Variants in PGM2L1 observed in about 807,000 individuals in gnomAD.
PGM2L1 encodes phosphoglucomutase 2 like 1.
In PGM2L1, 35 loss-of-function variants were observed where a neutral mutation model predicts 73.4. That is an observed-to-expected ratio of 0.48 (90% CI 0.36 to 0.63). The LOEUF (loss-of-function observed/expected upper bound fraction) is 0.63. Among genes scored for constraint, PGM2L1 ranks in the 30% least tolerant of loss-of-function variants. The probability of loss-of-function intolerance (pLI) is 0.00; values close to 1 mark genes in which losing one functional copy is unlikely to be tolerated. For missense variants in PGM2L1, 570 were observed against 742.0 expected (o/e 0.77, Z 2.69); for synonymous variants, 225 against 253.8 (o/e 0.89, Z 1.08).
rs1220332965 is a variant in PGM2L1 at position 74,335,207 on chromosome 11, A to AG, written c.*1444dup. 1 of 151,388 alleles carries AG rather than the reference A, an allele frequency of 6.6e-6. No homozygotes were observed. The highest frequency in any genetic ancestry group is 2.4e-5 in the African/African-American group (1 of 41,100). 9.4% of individuals were successfully genotyped at this position (151,388 alleles called of 1,614,324 possible). On this transcript the variant is annotated 3_prime_UTR_variant, in exon 14 of 14. Transcript: ENST00000298198. ...CGTGATTTCGGCTCACTGCAATCTC[A>AG]GCCTCCTAGGTTCAAGCAATTCTCC...
chr11:74,381,306 C>T (rs1174207100), intron 1 of PGM2L1, among the ~76,000 whole-genome samples: 1 of 152,096 alleles, frequency 6.6e-6, no homozygotes, highest in African/African-American at 2.4e-5. Context: ...GAGATGTGCA[C>T]CACTTCCATG....
chr11:74,355,283 GT>G, intron 5 of PGM2L1: 1 of 951,990 alleles, frequency 1.1e-6, no homozygotes, highest in South Asian at 1.3e-5. Flanking sequence ...GCCAGGCGTG[GT>G]GGCTCACACC....
chr11:74,335,599 T>C lies in PGM2L1; in HGVS notation c.*1053A>G, dbSNP rs1370047351. The C allele has an allele frequency of 6.6e-6, 1 of 152,226 alleles. No homozygotes were observed. The highest frequency in any genetic ancestry group is 6.5e-5 in the Admixed American group (1 of 15,288). The allele number at this position is 152,226 out of a possible 1,614,324, so 9.4% of individuals were successfully genotyped here. On this transcript the variant is annotated 3_prime_UTR_variant, in exon 14 of 14. Transcript: ENST00000298198. ...TTTGGATGTTTTATTCTTAGTAAAA[T>C]TAACATTACTTCATAAAATAAAAGA...
chr11:74,392,430 C>A (rs1418933514), intron 1 of PGM2L1, among the ~76,000 whole-genome samples: 1 of 151,686 alleles, frequency 6.6e-6, no homozygotes, highest in African/African-American at 2.4e-5. Flanking sequence ...AAGGAGAATA[C>A]TGTGTTGCCA....
intron 1 of PGM2L1, among the ~76,000 whole-genome samples, chr11:74,379,350 C>G (rs1209142479): frequency 6.6e-6 from 1 of 152,114 alleles, no homozygotes; most frequent in African/African-American, 2.4e-5. Flanking sequence ...ACCTCCATGA[C>G]CCAAACGCCT....
intron 6 of PGM2L1, 25 bp downstream of exon 6, chr11:74,351,358 T>G (rs747569908): frequency 8.9e-6 from 14 of 1,576,636 alleles, no homozygotes; most frequent in African/African-American, 1.4e-5. Context: ...TGAAGTAGTA[T>G]TATCTGATAT....
At chr11:74,343,552 G>C (rs1862216259) in intron 9 of PGM2L1, 136 bp from the exon 10 acceptor site, 1 of 1,293,744 alleles carries the variant, frequency 7.7e-7, no homozygotes. Flanking sequence ...GATTTATACA[G>C]TAGCAGACAT....
At position 74,398,235 on chromosome 11, in the gene PGM2L1, C is replaced by T. The variant is rs542904884; in HGVS notation, c.-74G>A. On this transcript the variant is annotated 5_prime_UTR_variant, in exon 1 of 14. Coordinates refer to ENST00000298198, the MANE Select transcript of PGM2L1 (RefSeq NM_173582.6). ...GGGGTGGGGGGTGGCTTGGGGTTCG[C>T]TCACCAGGGTCCAGGCGTCCCCACC... 8.5e-6 allele frequency: 13 copies of T among 1,530,704 alleles called. No homozygotes were observed. The African/African-American group carries it at 9.5e-5, about 11-fold the overall frequency. 94.8% of individuals were successfully genotyped at this position (1,530,704 alleles called of 1,614,324 possible).
intron 9 of PGM2L1, among the ~76,000 whole-genome samples, 160 bp downstream of exon 9, chr11:74,345,308 AG>A (rs200246444): frequency 0.015 from 2,330 of 152,294 alleles, 27 homozygotes; most frequent in Non-Finnish European, 0.024. Flanking sequence ...TTTTGGCTCA[AG>A]GTGTCTAAAT....
intron 9 of PGM2L1, among the ~76,000 whole-genome samples, chr11:74,343,769 C>CT (rs56938172): frequency 0.09 from 7,155 of 79,154 alleles, 2,073 homozygotes; most frequent in African/African-American, 0.34. Flanking sequence ...TTTACATTAT[C>CT]TTTTTTTTTT....
At chr11:74,377,180 G>A (rs1010837562) in intron 1 of PGM2L1, among the ~76,000 whole-genome samples, 2 of 151,018 alleles carry the variant, frequency 1.3e-5, no homozygotes, top group Admixed American at 6.6e-5. Flanking sequence ...TGTCACCCAG[G>A]CTGGAGAGCA....
chr11:74,330,928 T>A lies in PGM2L1; in HGVS notation c.*5724A>T, dbSNP rs1007690017. 3.7e-4 allele frequency: 57 copies of A among 152,192 alleles called. No individual in the cohort carries two copies. Among genetic ancestry groups the A allele is most frequent in the African/African-American group, 1.3e-3 (55 of 41,442 alleles). The allele number at this position is 152,192 out of a possible 1,614,324, so 9.4% of individuals were successfully genotyped here. ...GATGTCTGCTTAATAAACATTACAT[T>A]ATAAAGTTCAGTGATGGGACTTCAT... On this transcript the variant is annotated 3_prime_UTR_variant, in exon 14 of 14. Transcript: ENST00000298198.
At chr11:74,343,241 AGAACAC>A in intron 10 of PGM2L1, 76 bp downstream of exon 10, 1 of 1,463,170 alleles carries the variant, frequency 6.8e-7, no homozygotes, top group Non-Finnish European at 9.0e-7. Flanking sequence ...ATATGAAACC[AGAACAC>A]AAAAAACTCC....
chr11:74,342,542 TG>T lies in PGM2L1; in HGVS notation c.1550del (p.Pro517GlnfsTer32). 1 of 1,610,378 alleles carries T rather than the reference TG, an allele frequency of 6.2e-7. No individual in the cohort carries two copies. The highest frequency in any genetic ancestry group is 8.5e-7 in the Non-Finnish European group (1 of 1,177,892). On this transcript the variant is annotated frameshift_variant, in exon 12 of 14. Transcript: ENST00000298198. LOFTEE classifies it high-confidence loss of function. ...ATATAGCAAATGTTCCACAAAATTTTGGATATTCTTTTGGAGAATCAAAATT... is the reference window on the plus strand; with the variant it reads ...ATATAGCAAATGTTCCACAAAATTTTGATATTCTTTTGGAGAATCAAAATT... Reference protein sequence around the residue: ...LRNFDSPKEYPKFCGTFAILH... With the variant: ...LRNFDSPKEYXKFCGTFAILH...
At chr11:74,361,828 C>G (rs1426582891) in intron 5 of PGM2L1, among the ~76,000 whole-genome samples, 1 of 151,830 alleles carries the variant, frequency 6.6e-6, no homozygotes, top group East Asian at 1.9e-4. Context: ...TGAAATGAAG[C>G]AAGAAGAGAA....
chr11:74,373,956 T>C (rs568949293), intron 2 of PGM2L1, among the ~76,000 whole-genome samples: 167 of 151,450 alleles, frequency 1.1e-3, no homozygotes, highest in African/African-American at 3.8e-3. Context: ...AAGGTCAGAA[T>C]TGAGTCTACA....
intron 1 of PGM2L1, among the ~76,000 whole-genome samples, chr11:74,392,756 G>A (rs963948768): frequency 6.6e-6 from 1 of 152,152 alleles, no homozygotes; most frequent in African/African-American, 2.4e-5. Context: ...TAGCCAGGAT[G>A]GTCTCGATCT....
chr11:74,340,060 A>T (rs148956628), intron 12 of PGM2L1, among the ~76,000 whole-genome samples: 1 of 152,298 alleles, frequency 6.6e-6, no homozygotes, highest in East Asian at 1.9e-4. Context: ...TCATTGCTAT[A>T]TTCCTAGTGT....
rs762797933 is a variant in PGM2L1 at position 74,374,532 on chromosome 11, G to C, written c.162C>G (p.Asn54Lys). 1 of 1,614,132 alleles carries C rather than the reference G, an allele frequency of 6.2e-7. No homozygotes were observed. The highest frequency in any genetic ancestry group is 1.1e-5 in the South Asian group (1 of 91,080). The change falls in exon 2 of 14, where the codon AAC (asparagine) becomes AAG (lysine). Residue 54 changes from asparagine to lysine, a missense_variant. Physicochemically the swap from Asn to Lys is moderately conservative, Grantham distance 94. Coordinates refer to ENST00000298198, the MANE Select transcript of PGM2L1 (RefSeq NM_173582.6). ...AACAAAGACGATCTCGCAGCTCCTTGTTCATCCCATTCCGTAACAGGTTTT... is the reference window on the plus strand; with the variant it reads ...AACAAAGACGATCTCGCAGCTCCTTCTTCATCCCATTCCGTAACAGGTTTT... The part of the protein sequence containing the change: ...QIENLLRNGM[N>K]KELRDRLCCR...
Sources: allele counts gnomAD v4.1 joint callset (sites outside exome capture counted in the v4.1 genomes callset), GRCh38; gene constraint gnomAD v4.1.1; transcripts MANE v1.5; gene names NCBI Gene and HGNC (gene_info 2026-07-23, HGNC 2026-07-21).